Variants in TSPAN11 observed in about 807,000 individuals in gnomAD.
TSPAN11 encodes the protein tetraspanin-11.
A neutral mutation model predicts 32.9 loss-of-function variants in TSPAN11; 29 were observed. That is an observed-to-expected ratio of 0.88 (90% CI 0.66 to 1.20). The LOEUF is 1.20. TSPAN11 is among the 50% of genes most tolerant of loss of function. TSPAN11 has a pLI of 0.00. For missense variants in TSPAN11, 283 were observed against 329.1 expected (o/e 0.86, Z 1.08); for synonymous variants, 140 against 141.3 (o/e 0.99, Z 0.07).
chr12:31,007,311 G>A, the TSPAN11 span, among the ~76,000 whole-genome samples: 9 of 152,032 alleles, frequency 5.9e-5, no homozygotes, highest in African/African-American at 1.4e-4. Context: ...ACCACAGCCC[G>A]GGTACAGGGC....
chr12:31,001,651 G>T, the TSPAN11 span, among the ~76,000 whole-genome samples: 1 of 152,146 alleles, frequency 6.6e-6, no homozygotes, highest in Admixed American at 6.5e-5. Flanking sequence ...GCCACAGCTC[G>T]TAAGCCACCC....
rs918117586 is a variant in TSPAN11, at chr12:30,976,916, G to A, written c.277-1645G>A. On this transcript the variant is annotated intron_variant, in intron 3 of 7. Coordinates refer to ENST00000546076, the MANE Select transcript of TSPAN11 (RefSeq NM_001370302.1). ...AGCTGGAGGTTTTTCCTGATGCAGC[G>A]AAGAGCCTGGGGTAGGAAAGGAAGG... is the stretch of plus-strand genomic sequence containing the variant. Among the ~76,000 whole-genome samples, 5 of 152,314 alleles carry A rather than the reference G, an allele frequency of 3.3e-5. No homozygotes were observed. In the South Asian group the frequency reaches 6.2e-4, roughly 19 times the overall value.
At chr12:30,973,945 TC>T in intron 3 of TSPAN11, among the ~76,000 whole-genome samples, 1 of 152,260 alleles carries the variant, frequency 6.6e-6, no homozygotes, top group Admixed American at 6.5e-5. Context: ...AAACAGGTGA[TC>T]CCCAAGGAAA....
Position 30,994,200 on chromosome 12 carries a change from G to A in TSPAN11, c.*2285G>A, listed in dbSNP as rs77950855. On this transcript the variant is annotated 3_prime_UTR_variant, in exon 8 of 8. Transcript: ENST00000546076. The stretch of plus-strand genomic sequence containing the variant: ...CCAGGATACGGCAGGTTCTGCCTGG[G>A]AGTGTACAATGGTTGGAGTCCAGAG... 1 of 152,440 alleles carries A rather than the reference G, an allele frequency of 6.6e-6. No individual in the cohort carries two copies. The highest frequency in any genetic ancestry group is 1.5e-5 in the Non-Finnish European group (1 of 68,212). The allele number at this position is 152,440 out of a possible 1,614,324, so 9.4% of individuals were successfully genotyped here. A position where few individuals can be genotyped will look rare whatever the true frequency, so the allele number is the denominator to read the frequency against.
chr12:30,942,556 G>A (rs1366796206), intron 1 of TSPAN11, among the ~76,000 whole-genome samples: 2 of 152,098 alleles, frequency 1.3e-5, no homozygotes, highest in African/African-American at 2.4e-5. Context: ...GCATGCATGT[G>A]GCATTGGAAT....
downstream of TSPAN11, among the ~76,000 whole-genome samples, chr12:31,001,047 G>A (rs1029954045): frequency 6.6e-6 from 1 of 152,152 alleles, no homozygotes; most frequent in Non-Finnish European, 1.5e-5. Flanking sequence ...TGATCTTCCT[G>A]CAGCCTCCCC....
chr12:31,013,628 G>C, the TSPAN11 span, among the ~76,000 whole-genome samples: 2 of 75,228 alleles, frequency 2.7e-5, no homozygotes, highest in African/African-American at 8.8e-5. Context: ...AACAAAACGA[G>C]GGAGCATCCC....
In TSPAN11 at chr12:30,952,471, C is replaced by T. The variant is rs143391156; in HGVS notation, c.-11-1510C>T. Among the ~76,000 whole-genome samples the T allele has an allele frequency of 4.6e-5, 7 of 152,324 alleles. No individual in the cohort carries two copies. The East Asian group carries it at 7.7e-4, about 17-fold the overall frequency. On this transcript the variant is annotated intron_variant, in intron 1 of 7. Transcript: ENST00000546076. Reference sequence around the variant, plus strand: ...AAAAATGAGTTTTGTGTTTTCTTAACGAGAAGACTAGCAGTCTTAAATTAC... The same window carrying T: ...AAAAATGAGTTTTGTGTTTTCTTAATGAGAAGACTAGCAGTCTTAAATTAC...
At chr12:30,939,048 C>A (rs1938103217) in intron 1 of TSPAN11, among the ~76,000 whole-genome samples, 1 of 152,016 alleles carries the variant, frequency 6.6e-6, no homozygotes, top group African/African-American at 2.4e-5. Flanking sequence ...GCCTGGCCAA[C>A]ATGGTGAACC....
chr12:30,978,667 G>C (rs1278454622), intron 4 of TSPAN11, 32 bp downstream of exon 4: 1 of 1,609,416 alleles, frequency 6.2e-7, no homozygotes. Flanking sequence ...TGCATCCTCT[G>C]TCAGTGTCCT....
At chr12:30,976,022 G>C (rs1285946750) in intron 3 of TSPAN11, among the ~76,000 whole-genome samples, 1 of 152,196 alleles carries the variant, frequency 6.6e-6, no homozygotes, top group African/African-American at 2.4e-5. Flanking sequence ...GGGCCCAGCA[G>C]CGCATGGCAG....
intron 5 of TSPAN11, among the ~76,000 whole-genome samples, chr12:30,980,937 G>A (rs532451304): frequency 1.3e-5 from 2 of 152,282 alleles, no homozygotes; most frequent in East Asian, 1.9e-4. Flanking sequence ...CCCTGCCCTC[G>A]GGGAAGCTGG....
chr12:30,979,502 C>T (rs538886932), intron 4 of TSPAN11, 64 bp from the exon 5 acceptor site: 13 of 1,488,736 alleles, frequency 8.7e-6, no homozygotes, highest in South Asian at 1.2e-5. Flanking sequence ...TGGAAGTGGG[C>T]CCGGTGCCAG....
At chr12:30,978,996 C>T (rs1193059088) in intron 4 of TSPAN11, 6 of 291,248 alleles carry the variant, frequency 2.1e-5, no homozygotes, top group South Asian at 7.1e-5. Context: ...GAAACAGGAT[C>T]GGGCCTTGCC....
rs1034151187 is a variant in TSPAN11, at chr12:30,995,770, C to T, written c.*3855C>T. The T allele has an allele frequency of 7.4e-6, 1 of 135,578 alleles. No homozygotes were observed. Among genetic ancestry groups the T allele is most frequent in the Non-Finnish European group, 1.5e-5 (1 of 64,942 alleles). 8.4% of individuals were successfully genotyped at this position (135,578 alleles called of 1,614,324 possible). Reference sequence around the variant, plus strand: ...CAAACTTCGGTGAGTATCAGAATCACCTGGAAGGGCTTTTACAAACAGATT... The same window carrying T: ...CAAACTTCGGTGAGTATCAGAATCATCTGGAAGGGCTTTTACAAACAGATT... On this transcript the variant is annotated 3_prime_UTR_variant, in exon 8 of 8. Coordinates refer to ENST00000546076, the MANE Select transcript of TSPAN11 (RefSeq NM_001370302.1).
intron 2 of TSPAN11, among the ~76,000 whole-genome samples, chr12:30,955,817 A>G (rs1938467648): frequency 6.6e-6 from 1 of 152,190 alleles, no homozygotes; most frequent in South Asian, 2.1e-4. Context: ...TTCTTCTTAC[A>G]AGGACACCAG....
At chr12:31,004,536 C>T in the TSPAN11 span, among the ~76,000 whole-genome samples, 18 of 152,244 alleles carry the variant, frequency 1.2e-4, no homozygotes, top group Non-Finnish European at 1.9e-4. Context: ...CAATCAGGGG[C>T]GCCACTTCCA....
At chr12:30,998,882 G>C (rs1386420302), downstream of TSPAN11, 1 of 152,208 alleles carries the variant, frequency 6.6e-6, no homozygotes, top group Non-Finnish European at 1.5e-5. Context: ...CTCTCCCCAA[G>C]TTGCCCGTTG....
chr12:30,926,784 A>G lies in TSPAN11; in HGVS notation c.-24A>G, dbSNP rs1937802672. The G allele has an allele frequency of 2.9e-6, 1 of 350,746 alleles. No homozygotes were observed. The highest frequency in any genetic ancestry group is 5.7e-5 in the Admixed American group (1 of 17,406). 21.7% of individuals were successfully genotyped at this position (350,746 alleles called of 1,614,324 possible). On this transcript the variant is annotated 5_prime_UTR_variant, in exon 1 of 8. Coordinates refer to ENST00000546076, the MANE Select transcript of TSPAN11 (RefSeq NM_001370302.1). The stretch of plus-strand genomic sequence containing the variant: ...GCGCAGCTCCCTTCGCCGCTTCCGG[A>G]GCCCCTGGCAGGGTAAGTGCAGAAG...
Sources: gnomAD v4.1 joint callset for allele counts (sites outside exome capture counted in the v4.1 genomes callset) on GRCh38, gnomAD v4.1.1 for gene constraint, MANE v1.5 for transcripts, NCBI Gene and HGNC (gene_info 2026-07-23, HGNC 2026-07-21) for gene names.